The following PLCB1 variants were observed in gnomAD, a reference collection of about 807,000 sequenced individuals.
The protein encoded by PLCB1 is phospholipase C beta 1.
In PLCB1, 46 loss-of-function variants were observed where a neutral mutation model predicts 161.8. The observed-to-expected ratio is 0.28, with a 90% CI of 0.22 to 0.36. The LOEUF is 0.36. Among genes scored for constraint, PLCB1 ranks in the 10% least tolerant of loss-of-function variants. The pLI, the probability that PLCB1 is intolerant of heterozygous loss-of-function variation, is 1.00. For missense variants in PLCB1, 1,016 were observed against 1,472.5 expected (o/e 0.69, Z 5.07); for synonymous variants, 517 against 503.7 (o/e 1.03, Z -0.35).
chr20:8,745,340 G>A (rs555569052), intron 23 of PLCB1, among the ~76,000 whole-genome samples: 1 of 152,284 alleles, frequency 6.6e-6, no homozygotes, highest in South Asian at 2.1e-4. Context: ...TCTAGGACAT[G>A]GCAGGCACTG....
At chr20:8,669,282 G>A (rs776701279) in intron 9 of PLCB1, among the ~76,000 whole-genome samples, 20 of 152,276 alleles carry the variant, frequency 1.3e-4, no homozygotes, top group Non-Finnish European at 2.4e-4. Flanking sequence ...GGGAGTTTCC[G>A]GAATTGCTCT....
chr20:8,532,797 A>G (rs774336484), intron 3 of PLCB1, among the ~76,000 whole-genome samples: 14 of 152,166 alleles, frequency 9.2e-5, no homozygotes, highest in Non-Finnish European at 2.1e-4. Context: ...GGCAGATGGA[A>G]GGAGAGGTAC....
At chr20:8,530,283 T>A (rs933275374) in intron 3 of PLCB1, among the ~76,000 whole-genome samples, 7 of 152,130 alleles carry the variant, frequency 4.6e-5, no homozygotes, top group Non-Finnish European at 8.8e-5. Context: ...AATGCCTAAA[T>A]TGGATGCAGC....
At chr20:8,790,569 CT>C (rs1983706630) in intron 31 of PLCB1, among the ~76,000 whole-genome samples, 1 of 152,340 alleles carries the variant, frequency 6.6e-6, no homozygotes, top group South Asian at 2.1e-4. Context: ...GAATCAGAGA[CT>C]AACCAAACCT....
intron 9 of PLCB1, among the ~76,000 whole-genome samples, chr20:8,682,099 G>C (rs776778524): frequency 6.6e-6 from 1 of 152,112 alleles, no homozygotes; most frequent in East Asian, 1.9e-4. Context: ...TGCATTTATC[G>C]TATGGTAGAT....
At chr20:8,203,097 GCACACACA>G (rs61698006) in intron 2 of PLCB1, among the ~76,000 whole-genome samples, 2 of 150,154 alleles carry the variant, frequency 1.3e-5, no homozygotes, top group Non-Finnish European at 3.0e-5. Context: ...ACACACACGC[GCACACACA>G]CACACACACG....
chr20:8,774,153 G>A (rs915270461), intron 26 of PLCB1, among the ~76,000 whole-genome samples: 5 of 152,128 alleles, frequency 3.3e-5, no homozygotes, highest in Non-Finnish European at 5.9e-5. Context: ...GTTTTCATAC[G>A]GGAAAGGTAA....
chr20:8,580,057 AG>A (rs1986785644), intron 3 of PLCB1, among the ~76,000 whole-genome samples: 1 of 152,078 alleles, frequency 6.6e-6, no homozygotes, highest in Non-Finnish European at 1.5e-5. Context: ...TGAGTATGAC[AG>A]CCTAATGAGA....
intron 3 of PLCB1, among the ~76,000 whole-genome samples, chr20:8,546,698 A>T (rs1231175799): frequency 6.6e-6 from 1 of 151,908 alleles, no homozygotes; most frequent in Non-Finnish European, 1.5e-5. Context: ...TCAGTTGATG[A>T]TATTATAGTA....
At chr20:8,838,427 A>AT (rs1986373523) in intron 31 of PLCB1, among the ~76,000 whole-genome samples, 1 of 152,204 alleles carries the variant, frequency 6.6e-6, no homozygotes, top group Admixed American at 6.5e-5. Flanking sequence ...AGGTCAGGTG[A>AT]TCAACAGAGT....
intron 3 of PLCB1, among the ~76,000 whole-genome samples, chr20:8,427,420 A>T (rs903204698): frequency 6.6e-6 from 1 of 152,174 alleles, no homozygotes; most frequent in Non-Finnish European, 1.5e-5. Context: ...TTAAAAATAC[A>T]GACATCAGCT....
chr20:8,785,187 G>C (rs1320375078), intron 27 of PLCB1, among the ~76,000 whole-genome samples: 1 of 152,178 alleles, frequency 6.6e-6, no homozygotes, highest in Non-Finnish European at 1.5e-5. Flanking sequence ...AAGGGGCAGA[G>C]AGAAATTGAA....
intron 2 of PLCB1, among the ~76,000 whole-genome samples, chr20:8,232,445 G>C (rs922564071): frequency 6.6e-6 from 1 of 152,152 alleles, no homozygotes; most frequent in African/African-American, 2.4e-5. Flanking sequence ...CTGCTGCTCT[G>C]CTCTTCACTA....
chr20:8,423,550 G>A (rs1056037064), intron 3 of PLCB1, among the ~76,000 whole-genome samples: 1 of 152,118 alleles, frequency 6.6e-6, no homozygotes, highest in Non-Finnish European at 1.5e-5. Flanking sequence ...AGGATCTGAA[G>A]AATTTTTTAT....
intron 2 of PLCB1, among the ~76,000 whole-genome samples, chr20:8,289,860 A>G (rs1318023906): frequency 6.6e-6 from 1 of 152,196 alleles, no homozygotes; most frequent in Non-Finnish European, 1.5e-5. Context: ...AGTGTTTCCC[A>G]ATGGCTTGAA....
At chr20:8,181,071 C>T (rs561326594) in intron 2 of PLCB1, among the ~76,000 whole-genome samples, 13 of 151,096 alleles carry the variant, frequency 8.6e-5, no homozygotes, top group African/African-American at 2.4e-4. Flanking sequence ...GCCAACATGG[C>T]GAAACCCCGT....
intron 2 of PLCB1, among the ~76,000 whole-genome samples, chr20:8,312,912 T>C (rs1984472013): frequency 6.6e-6 from 1 of 152,188 alleles, no homozygotes; most frequent in African/African-American, 2.4e-5. Flanking sequence ...GTGGCTGTCC[T>C]TTTCAAAATA....
chr20:8,736,064 C>A (rs963572830), intron 19 of PLCB1, among the ~76,000 whole-genome samples: 6 of 152,312 alleles, frequency 3.9e-5, no homozygotes, highest in Admixed American at 6.5e-5. Context: ...ATGCTGTCCC[C>A]TTTTCACAAT....
At chr20:8,666,118 A>G (rs1305710588) in intron 9 of PLCB1, among the ~76,000 whole-genome samples, 3 of 152,126 alleles carry the variant, frequency 2.0e-5, no homozygotes, top group East Asian at 3.9e-4. Flanking sequence ...CTTGGGTTGC[A>G]AAGTTCTGAT....
Sources: gnomAD v4.1 joint callset for allele counts (sites outside exome capture counted in the v4.1 genomes callset) on GRCh38, gnomAD v4.1.1 for gene constraint, MANE v1.5 for transcripts, NCBI Gene and HGNC (gene_info 2026-07-23, HGNC 2026-07-21) for gene names.